The following CNTNAP2 variants were observed in gnomAD, a reference collection of about 807,000 sequenced individuals.
CNTNAP2 encodes the protein contactin-associated protein-like 2.
In CNTNAP2, 98 loss-of-function variants were observed where a neutral mutation model predicts 155.2. The observed-to-expected ratio is 0.63, with a 90% confidence interval of 0.54 to 0.75. The LOEUF (loss-of-function observed/expected upper bound fraction) is 0.75, where lower values mean the gene tolerates loss of function less well. Ranked by LOEUF, CNTNAP2 falls within the 30% of genes least tolerant of loss-of-function variation. The probability of loss-of-function intolerance (pLI) is 0.00; values close to 1 mark genes in which losing one functional copy is unlikely to be tolerated. For synonymous variants in CNTNAP2, 651 were observed against 631.2 expected (o/e 1.03, Z -0.47); for missense variants, 1,727 against 1,688.1 (o/e 1.02, Z -0.40).
At chr7:147,831,163 T>C (rs902596295) in intron 13 of CNTNAP2, among the ~76,000 whole-genome samples, 1 of 152,136 alleles carries the variant, frequency 6.6e-6, no homozygotes, top group Non-Finnish European at 1.5e-5. Flanking sequence ...TGTTATGCCT[T>C]AAAGACATTA....
intron 2 of CNTNAP2, among the ~76,000 whole-genome samples, chr7:146,818,516 C>A (rs988976605): frequency 6.6e-6 from 1 of 151,602 alleles, no homozygotes; most frequent in African/African-American, 2.4e-5. Flanking sequence ...CTTTAGGGGT[C>A]TTTTGTTTTA....
At chr7:146,464,650 TATC>T (rs2129125491) in intron 1 of CNTNAP2, among the ~76,000 whole-genome samples, 2 of 152,214 alleles carry the variant, frequency 1.3e-5, no homozygotes, top group East Asian at 3.9e-4. Flanking sequence ...TTTGCGAACT[TATC>T]ATCATTTTTA....
intron 1 of CNTNAP2, among the ~76,000 whole-genome samples, chr7:146,270,645 A>T (rs754952641): frequency 7.2e-5 from 11 of 152,186 alleles, no homozygotes; most frequent in Non-Finnish European, 1.6e-4. Flanking sequence ...TTCTTTGAAT[A>T]GATTATCTGA....
intron 3 of CNTNAP2, among the ~76,000 whole-genome samples, chr7:146,920,137 G>A (rs1796472092): frequency 6.6e-6 from 1 of 152,204 alleles, no homozygotes; most frequent in East Asian, 1.9e-4. Flanking sequence ...ATACTGGCCA[G>A]GCGTGGTGGC....
intron 3 of CNTNAP2, among the ~76,000 whole-genome samples, chr7:146,978,689 G>C (rs11975231): frequency 6.6e-6 from 1 of 151,104 alleles, no homozygotes; most frequent in South Asian, 2.1e-4. Flanking sequence ...TCCAAATTTA[G>C]ATAATAAGAT....
At chr7:146,496,227 G>A (rs2129132253) in intron 1 of CNTNAP2, among the ~76,000 whole-genome samples, 1 of 152,246 alleles carries the variant, frequency 6.6e-6, no homozygotes, top group East Asian at 1.9e-4. Flanking sequence ...TCTGAGTTCA[G>A]GCGGTGATGA....
At chr7:147,740,848 A>G (rs958529489) in intron 13 of CNTNAP2, among the ~76,000 whole-genome samples, 1 of 152,200 alleles carries the variant, frequency 6.6e-6, no homozygotes, top group Non-Finnish European at 1.5e-5. Context: ...ACAGGGAAGG[A>G]GTCGAAGGGG....
At chr7:147,586,302 T>C (rs1330625636) in intron 12 of CNTNAP2, among the ~76,000 whole-genome samples, 1 of 151,132 alleles carries the variant, frequency 6.6e-6, no homozygotes, top group African/African-American at 2.4e-5. Flanking sequence ...AGTCTTAAGG[T>C]CTGTGTTGAT....
chr7:147,171,519 T>C (rs4725704), intron 8 of CNTNAP2, among the ~76,000 whole-genome samples: 62,498 of 152,006 alleles, frequency 0.41, 13,758 homozygotes, highest in East Asian at 0.65. Flanking sequence ...TGTAATAGAC[T>C]AGAATCTGTT....
chr7:146,748,257 CGCCTCA>C (rs1801845337), intron 1 of CNTNAP2, among the ~76,000 whole-genome samples: 1 of 150,942 alleles, frequency 6.6e-6, no homozygotes, highest in Non-Finnish European at 1.5e-5. Flanking sequence ...GCCATTCTCC[CGCCTCA>C]GCCTCCGGAG....
At chr7:147,454,699 C>T (rs1453095672) in intron 10 of CNTNAP2, among the ~76,000 whole-genome samples, 1 of 151,666 alleles carries the variant, frequency 6.6e-6, no homozygotes, top group African/African-American at 2.4e-5. Context: ...TCCCAGAGCC[C>T]ATTAACCTTC....
At chr7:146,181,652 T>G (rs1268979474) in intron 1 of CNTNAP2, among the ~76,000 whole-genome samples, 1 of 152,114 alleles carries the variant, frequency 6.6e-6, no homozygotes, top group Non-Finnish European at 1.5e-5. Flanking sequence ...TCAAAATAAG[T>G]ATTATATGGA....
intron 15 of CNTNAP2, among the ~76,000 whole-genome samples, chr7:148,024,299 T>C (rs1802338576): frequency 6.6e-6 from 1 of 152,250 alleles, no homozygotes; most frequent in East Asian, 1.9e-4. Flanking sequence ...TTGGAAATTG[T>C]GGCCTCCATA....
chr7:147,685,950 G>A (rs577329455), intron 13 of CNTNAP2, among the ~76,000 whole-genome samples: 2 of 152,074 alleles, frequency 1.3e-5, no homozygotes, highest in South Asian at 2.1e-4. Flanking sequence ...AAGTAACCAG[G>A]AGTGAGGGGC....
chr7:147,840,473 G>A (rs1386812200), intron 13 of CNTNAP2, among the ~76,000 whole-genome samples: 1 of 152,134 alleles, frequency 6.6e-6, no homozygotes, highest in Admixed American at 6.6e-5. Context: ...TGTCCAGGTA[G>A]CTCTAGGAGA....
chr7:146,484,212 C>A (rs1797021984), intron 1 of CNTNAP2, among the ~76,000 whole-genome samples: 1 of 152,086 alleles, frequency 6.6e-6, no homozygotes, highest in African/African-American at 2.4e-5. Flanking sequence ...TGGTGTGTAC[C>A]ATTTAGGTTT....
chr7:146,266,336 A>G (rs1331383968), intron 1 of CNTNAP2, among the ~76,000 whole-genome samples: 2 of 152,164 alleles, frequency 1.3e-5, no homozygotes, highest in African/African-American at 2.4e-5. Context: ...TTTCTGAGCC[A>G]GTGTTTGAAA....
intron 1 of CNTNAP2, among the ~76,000 whole-genome samples, chr7:146,561,584 G>A (rs978836404): frequency 5.3e-5 from 8 of 152,034 alleles, no homozygotes; most frequent in African/African-American, 1.9e-4. Flanking sequence ...GCTTGACCTA[G>A]GGAGTTCCAT....
At chr7:147,602,853 T>C (rs963369174) in intron 12 of CNTNAP2, among the ~76,000 whole-genome samples, 2 of 151,448 alleles carry the variant, frequency 1.3e-5, no homozygotes, top group Non-Finnish European at 3.0e-5. Flanking sequence ...TATTCCATGG[T>C]GTATATGTGC....
Sources: allele counts gnomAD v4.1 joint callset (sites outside exome capture counted in the v4.1 genomes callset), GRCh38; gene constraint gnomAD v4.1.1; transcripts MANE v1.5; gene names NCBI Gene and HGNC (gene_info 2026-07-23, HGNC 2026-07-21).